TUT4: variants seen among roughly 807,000 people sequenced by gnomAD.
TUT4 encodes terminal uridylyltransferase 4.
A neutral mutation model predicts 192.2 loss-of-function variants in TUT4; 36 were observed. The observed-to-expected ratio is 0.19, with a 90% CI of 0.14 to 0.25. The LOEUF (loss-of-function observed/expected upper bound fraction) is 0.25. TUT4 is among the 10% of genes least tolerant of loss of function. The probability of loss-of-function intolerance (pLI) is 1.00; values close to 1 mark genes in which losing one functional copy is unlikely to be tolerated. For synonymous variants in TUT4, 618 were observed against 666.0 expected (o/e 0.93, Z 1.11); for missense variants, 1,493 against 1,957.2 (o/e 0.76, Z 4.47).
At chr1:52,433,094 A>G (rs1160505032) in intron 27 of TUT4, 1 of 151,998 alleles carries the variant, frequency 6.6e-6, no homozygotes, top group Non-Finnish European at 1.5e-5. Context: ...TTTTTGAGAC[A>G]GTCTCGCTGT....
At chr1:52,514,198 TG>T (rs1397640887) in intron 3 of TUT4, among the ~76,000 whole-genome samples, 3 of 152,144 alleles carry the variant, frequency 2.0e-5, no homozygotes, top group Non-Finnish European at 2.9e-5. Context: ...CACAGCACTT[TG>T]GGAGGCCAGG....
At chr1:52,517,800 G>A (rs1234853668) in intron 2 of TUT4, among the ~76,000 whole-genome samples, 1 of 152,158 alleles carries the variant, frequency 6.6e-6, no homozygotes, top group Non-Finnish European at 1.5e-5. Context: ...TGAAATCCTA[G>A]TATTATTTCT....
intron 1 of TUT4, chr1:52,538,669 G>GAAAAAAAAAAAAAAAAAAAGAAAAA (rs1205554959): frequency 2.0e-5 from 2 of 99,344 alleles, no homozygotes; most frequent in East Asian, 2.8e-4. Flanking sequence ...GAAAAGAAAA[G>GAAAAAAAAAAAAAAAAAAAGAAAAA]AAAAAAAAAA....
At chr1:52,515,765 G>A (rs1352150563) in intron 3 of TUT4, 126 bp downstream of exon 3, 1 of 1,040,162 alleles carries the variant, frequency 9.6e-7, no homozygotes, top group Non-Finnish European at 1.4e-6. Flanking sequence ...TAGAGAAGAG[G>A]GAAGTAAGGA....
At chr1:52,450,866 G>C (rs1207878032) in intron 20 of TUT4, among the ~76,000 whole-genome samples, 1 of 152,126 alleles carries the variant, frequency 6.6e-6, no homozygotes, top group Admixed American at 6.5e-5. Context: ...AATCAAATTT[G>C]TGGTCCATTT....
At chr1:52,453,183 G>A (rs924259896) in intron 20 of TUT4, among the ~76,000 whole-genome samples, 15 of 152,030 alleles carry the variant, frequency 9.9e-5, no homozygotes, top group Admixed American at 5.2e-4. Flanking sequence ...TAAGGAGTTC[G>A]AGACTAGCCT....
chr1:52,484,578 A>G (rs1001505009), intron 9 of TUT4, among the ~76,000 whole-genome samples: 2 of 152,150 alleles, frequency 1.3e-5, no homozygotes, highest in East Asian at 1.9e-4. Context: ...AAAATTTTAA[A>G]TTTTCATTTA....
chr1:52,472,241 ATGTTGTT>A, intron 13 of TUT4, 139 bp from the exon 14 acceptor site: 3 of 870,284 alleles, frequency 3.4e-6, no homozygotes, highest in Non-Finnish European at 5.0e-6. Context: ...AAAAAAAAAC[ATGTTGTT>A]AAAATGCAGT....
chr1:52,486,530 T>C (rs1047751620), intron 9 of TUT4, among the ~76,000 whole-genome samples: 1 of 152,140 alleles, frequency 6.6e-6, no homozygotes, highest in African/African-American at 2.4e-5. Context: ...CTAGATAATG[T>C]ACAATATGGC....
intron 12 of TUT4, among the ~76,000 whole-genome samples, chr1:52,475,748 G>A (rs1308735698): frequency 6.6e-6 from 1 of 152,008 alleles, no homozygotes; most frequent in Non-Finnish European, 1.5e-5. Context: ...AAGCTAAAAG[G>A]AAAAATAAAC....
chr1:52,477,626 C>A lies in TUT4; in HGVS notation c.2023+82G>T, dbSNP rs1034483516. On this transcript the variant is annotated intron_variant, in intron 12 of 29. Coordinates refer to ENST00000257177, the MANE Select transcript of TUT4 (RefSeq NM_001009881.3). ...GACATATATATATAGTGCCACAAAG[C>A]CAAAGGATTATTAACACTGAATTAG... 5.2e-6 allele frequency: 7 copies of A among 1,357,288 alleles called. No homozygotes were observed. In the African/African-American group the frequency reaches 8.8e-5, roughly 17 times the overall value. The allele number at this position is 1,357,288 out of a possible 1,614,324, so 84.1% of individuals were successfully genotyped here. A position where few individuals can be genotyped will look rare whatever the true frequency, so the allele number is the denominator to read the frequency against.
chr1:52,525,529 T>A (rs773746139), intron 2 of TUT4, 34 bp downstream of exon 2: 1 of 1,579,980 alleles, frequency 6.3e-7, no homozygotes. Flanking sequence ...TAAAGAACAT[T>A]AATATACAAA....
intron 24 of TUT4, among the ~76,000 whole-genome samples, chr1:52,439,068 T>TAAAAAAAAA (rs984014427): frequency 3.8e-5 from 3 of 79,292 alleles, no homozygotes; most frequent in African/African-American, 1.5e-4. Context: ...AGACTCCATC[T>TAAAAAAAAA]AAAAAAAAAA....
intron 1 of TUT4, among the ~76,000 whole-genome samples, chr1:52,526,750 T>C (rs1012713874): frequency 6.6e-5 from 10 of 152,008 alleles, no homozygotes; most frequent in Admixed American, 2.0e-4. Context: ...CTTGGCTGGG[T>C]GTGGTGGCTC....
intron 3 of TUT4, among the ~76,000 whole-genome samples, chr1:52,511,971 G>A (rs1345579945): frequency 6.6e-6 from 1 of 151,560 alleles, no homozygotes; most frequent in East Asian, 1.9e-4. Flanking sequence ...AGTGGTGAAG[G>A]TGGTAAAAAG....
intron 2 of TUT4, among the ~76,000 whole-genome samples, chr1:52,521,379 A>T (rs1349347141): frequency 6.6e-6 from 1 of 152,210 alleles, no homozygotes; most frequent in Non-Finnish European, 1.5e-5. Flanking sequence ...ATAGATAATG[A>T]TCTAGCCATG....
Position 52,474,881 on chromosome 1 carries a change from G to T in TUT4, c.2678C>A (p.Thr893Asn), listed in dbSNP as rs745683839. 14 of 1,613,288 alleles carry T rather than the reference G, an allele frequency of 8.7e-6. No homozygotes were observed. The highest frequency in any genetic ancestry group is 3.3e-4 in the Middle Eastern group (2 of 6,078). Residue 893 changes from threonine to asparagine, a missense_variant, in exon 13 of 30, where the codon ACC (threonine) becomes AAC (asparagine). Thr to Asn is a moderately conservative substitution (Grantham distance 65, BLOSUM62 0). Around this residue, in one of 7 missense-constraint regions of TUT4, gnomAD observed 245 missense variants for 218.4 expected, o/e 1.12. Transcript: ENST00000257177. ...SDLNDDDNLPTQELYYVFDKF... is the reference protein window; with the variant it reads ...SDLNDDDNLPNQELYYVFDKF... ...ATCAAACACATAATATAATTCCTGG[G>T]TGGGGAGGTTATCATCATCATTAAG...
At chr1:52,486,665 A>C (rs966855167) in intron 9 of TUT4, among the ~76,000 whole-genome samples, 1 of 152,210 alleles carries the variant, frequency 6.6e-6, no homozygotes, top group African/African-American at 2.4e-5. Context: ...CAACTAACAC[A>C]AATGACAAAA....
intron 1 of TUT4, among the ~76,000 whole-genome samples, chr1:52,528,184 A>T (rs1682341833): frequency 2.7e-5 from 4 of 146,066 alleles, no homozygotes; most frequent in Admixed American, 1.4e-4. Context: ...ATCTCGAAAA[A>T]AATAATAATA....
Sources: gnomAD v4.1 joint callset for allele counts (sites outside exome capture counted in the v4.1 genomes callset) on GRCh38, gnomAD v4.1.1 for gene constraint, gnomAD v4.1.1 regional missense constraint, MANE v1.5 for transcripts, NCBI Gene and HGNC (gene_info 2026-07-23, HGNC 2026-07-21) for gene names.